LINGO2: variants seen among roughly 807,000 people sequenced by gnomAD.
LINGO2 encodes leucine rich repeat and Ig domain containing 2, also known as leucine-rich repeat and immunoglobulin-like domain-containing nogo receptor-interacting protein 2.
A neutral mutation model predicts 30.6 loss-of-function variants in LINGO2; 14 were observed. That is an observed-to-expected ratio of 0.46 (90% CI 0.30 to 0.72). The LOEUF (loss-of-function observed/expected upper bound fraction) is 0.72. LINGO2 is among the 30% of genes least tolerant of loss of function. The pLI is 0.07. For synonymous variants in LINGO2, 317 were observed against 288.5 expected (o/e 1.10, Z -1.00); for missense variants, 729 against 751.7 (o/e 0.97, Z 0.35).
rs376169628 is a variant in LINGO2, at chr9:28,573,328, C to A, written c.-365+96872G>T. Among the ~76,000 whole-genome samples, 27 of 152,210 alleles carry A rather than the reference C, an allele frequency of 1.8e-4. 1 individual carries two copies. In the East Asian group the frequency reaches 3.5e-3, roughly 20 times the overall value. On this transcript the variant is annotated intron_variant, in intron 1 of 5. Transcript: ENST00000379992. The stretch of plus-strand genomic sequence containing the variant: ...CTATTTTTTCTGTACCAAGTGAAAT[C>A]TTTACATGTATACACTAATTGCATA...
intron 1 of LINGO2, among the ~76,000 whole-genome samples, chr9:28,633,107 C>A (rs1055896141): frequency 6.6e-6 from 1 of 151,668 alleles, no homozygotes; most frequent in Non-Finnish European, 1.5e-5. Flanking sequence ...CATCTCTCTC[C>A]TTTTCATGTT....
intron 3 of LINGO2, among the ~76,000 whole-genome samples, chr9:28,310,334 T>C (rs955642778): frequency 6.6e-6 from 1 of 152,108 alleles, no homozygotes; most frequent in African/African-American, 2.4e-5. Context: ...GTTATATCCA[T>C]GGAACAGAAT....
intron 4 of LINGO2, among the ~76,000 whole-genome samples, chr9:28,069,506 G>C (rs866733630): frequency 6.6e-6 from 1 of 152,094 alleles, no homozygotes; most frequent in South Asian, 2.1e-4. Flanking sequence ...TAATCCTTCT[G>C]TTTTCTGATA....
intron 4 of LINGO2, among the ~76,000 whole-genome samples, chr9:28,161,103 C>A (rs1199613970): frequency 1.3e-5 from 2 of 152,280 alleles, no homozygotes; most frequent in African/African-American, 2.4e-5. Flanking sequence ...GGGCAAAATT[C>A]AAAGAATAAT....
the LINGO2 span, among the ~76,000 whole-genome samples, chr9:28,965,828 G>C: frequency 3.3e-5 from 5 of 152,068 alleles, no homozygotes; most frequent in Non-Finnish European, 7.4e-5. Flanking sequence ...GAAACTATAA[G>C]TAAATATAAA....
the LINGO2 span, among the ~76,000 whole-genome samples, chr9:29,115,027 CCTCA>C: frequency 6.6e-6 from 1 of 151,910 alleles, no homozygotes; most frequent in Non-Finnish European, 1.5e-5. Context: ...ATGTGTACCA[CCTCA>C]CTAATAATTA....
intron 1 of LINGO2, among the ~76,000 whole-genome samples, chr9:28,532,875 C>T (rs1821288671): frequency 6.6e-6 from 1 of 152,066 alleles, no homozygotes; most frequent in Non-Finnish European, 1.5e-5. Flanking sequence ...TTTACTGCCT[C>T]TTATAGACCG....
chr9:28,527,919 T>C (rs930370697), intron 1 of LINGO2, among the ~76,000 whole-genome samples: 1 of 152,178 alleles, frequency 6.6e-6, no homozygotes, highest in Non-Finnish European at 1.5e-5. Flanking sequence ...CTTTTAAACC[T>C]TACTGAAAAT....
At chr9:28,877,975 G>C in the LINGO2 span, among the ~76,000 whole-genome samples, 1 of 152,084 alleles carries the variant, frequency 6.6e-6, no homozygotes, top group Non-Finnish European at 1.5e-5. Flanking sequence ...CACGTCCCTT[G>C]AAAGTTGGAT....
intron 4 of LINGO2, among the ~76,000 whole-genome samples, chr9:28,021,136 TG>T (rs571176397): frequency 1.5e-3 from 226 of 152,256 alleles, no homozygotes; most frequent in African/African-American, 3.7e-3. Context: ...ATTATTTAGA[TG>T]TTTTTTTCTA....
At chr9:28,205,511 G>GT (rs909735395) in intron 4 of LINGO2, among the ~76,000 whole-genome samples, 22 of 152,106 alleles carry the variant, frequency 1.4e-4, no homozygotes, top group African/African-American at 5.1e-4. Flanking sequence ...ATCACTGCTG[G>GT]TTTTTTATCA....
At chr9:28,206,246 G>T (rs1235434175) in intron 4 of LINGO2, among the ~76,000 whole-genome samples, 1 of 148,496 alleles carries the variant, frequency 6.7e-6, no homozygotes, top group Admixed American at 6.7e-5. Context: ...ATAAAGTTGA[G>T]AATAAGCTGT....
chr9:29,137,061 C>T, the LINGO2 span, among the ~76,000 whole-genome samples: 1 of 152,120 alleles, frequency 6.6e-6, no homozygotes, highest in Non-Finnish European at 1.5e-5. Context: ...AAAATACATG[C>T]CAAACCCAAA....
chr9:28,315,087 T>C (rs1211177585), intron 3 of LINGO2, among the ~76,000 whole-genome samples: 1 of 151,042 alleles, frequency 6.6e-6, no homozygotes, highest in Non-Finnish European at 1.5e-5. Context: ...ATTCTAATAA[T>C]TCCCAAACGA....
At chr9:28,101,264 G>T (rs777528736) in intron 4 of LINGO2, among the ~76,000 whole-genome samples, 20 of 152,084 alleles carry the variant, frequency 1.3e-4, no homozygotes, top group East Asian at 3.9e-4. Flanking sequence ...GTCCATCCTA[G>T]ATCAAAATCT....
chr9:28,509,752 T>C (rs1191460857), intron 1 of LINGO2, among the ~76,000 whole-genome samples: 1 of 152,224 alleles, frequency 6.6e-6, no homozygotes, highest in Non-Finnish European at 1.5e-5. Context: ...GATGGCACTC[T>C]AATCTTAGAC....
At chr9:28,813,964 G>T in the LINGO2 span, among the ~76,000 whole-genome samples, 1 of 152,100 alleles carries the variant, frequency 6.6e-6, no homozygotes, top group Non-Finnish European at 1.5e-5. Context: ...ATTAAATGAA[G>T]ATGTAAAAAG....
the LINGO2 span, among the ~76,000 whole-genome samples, chr9:28,682,163 T>TA: frequency 6.6e-6 from 1 of 152,170 alleles, no homozygotes; most frequent in African/African-American, 2.4e-5. Flanking sequence ...CTGCCCTTTA[T>TA]AAAAAATGGA....
At chr9:28,970,827 A>T in the LINGO2 span, among the ~76,000 whole-genome samples, 2 of 152,182 alleles carry the variant, frequency 1.3e-5, no homozygotes, top group African/African-American at 4.8e-5. Context: ...CAACTTTTAC[A>T]GGAGTCCTAG....
Sources: allele counts gnomAD v4.1 joint callset (sites outside exome capture counted in the v4.1 genomes callset), GRCh38; gene constraint gnomAD v4.1.1; transcripts MANE v1.5; gene names NCBI Gene and HGNC (gene_info 2026-07-23, HGNC 2026-07-21).